FALEC: variants seen among roughly 807,000 people sequenced by gnomAD.
The protein encoded by FALEC is focally amplified lncRNA on chromosome 1.
downstream of FALEC, among the ~76,000 whole-genome samples, chr1:150,522,505 C>T (rs1314823890): frequency 5.9e-5 from 9 of 151,662 alleles, no homozygotes. Flanking sequence ...TGCCTGTAGT[C>T]CCAGCTACTC....
At chr1:150,522,966 TA>T (rs1328399963), downstream of FALEC, among the ~76,000 whole-genome samples, 2 of 43,648 alleles carry the variant, frequency 4.6e-5, no homozygotes, top group African/African-American at 1.0e-4. Context: ...TATATATATA[TA>T]TATATATATA....
intron 1 of FALEC, among the ~76,000 whole-genome samples, chr1:150,517,296 C>CA (rs34702640): frequency 0.044 from 4,063 of 93,032 alleles, 201 homozygotes; most frequent in African/African-American, 0.12. Context: ...GACTCCGTCT[C>CA]AAAAAAAAAA....
At chr1:150,535,022 T>G in the FALEC span, among the ~76,000 whole-genome samples, 4 of 151,888 alleles carry the variant, frequency 2.6e-5, no homozygotes, top group African/African-American at 9.7e-5. Context: ...GGGAACAGAG[T>G]TGACTGGTGA....
chr1:150,523,388 T>C, the FALEC span, among the ~76,000 whole-genome samples: 1 of 151,572 alleles, frequency 6.6e-6, no homozygotes, highest in Non-Finnish European at 1.5e-5. Flanking sequence ...GCGCGGTGGC[T>C]CATGCCTGTA....
chr1:150,534,546 T>C, the FALEC span, among the ~76,000 whole-genome samples: 2 of 152,042 alleles, frequency 1.3e-5, no homozygotes, highest in African/African-American at 4.8e-5. Context: ...GAGGCTGAGA[T>C]AGAAATGTGC....
chr1:150,526,695 G>A, the FALEC span, among the ~76,000 whole-genome samples: 7 of 151,536 alleles, frequency 4.6e-5, no homozygotes, highest in Admixed American at 2.0e-4. Context: ...GTGCAGTGGC[G>A]CAATCCCGGC....
At chr1:150,521,424 G>A (rs587773610), downstream of FALEC, among the ~76,000 whole-genome samples, 5 of 152,290 alleles carry the variant, frequency 3.3e-5, no homozygotes, top group East Asian at 3.9e-4. Context: ...GTGGTGCAAT[G>A]GTACCTCAGT....
chr1:150,529,016 C>CAAAAAAAAAAAACAAAAAAA, the FALEC span, among the ~76,000 whole-genome samples: 1 of 59,292 alleles, frequency 1.7e-5, no homozygotes, highest in Non-Finnish European at 3.0e-5. Flanking sequence ...AAATAAATAG[C>CAAAAAAAAAAAACAAAAAAA]AAAAAAAAAA....
chr1:150,529,016 C>CAAAAAAAAAAA, the FALEC span, among the ~76,000 whole-genome samples: 87 of 59,276 alleles, frequency 1.5e-3, 4 homozygotes, highest in African/African-American at 3.8e-3. Context: ...AAATAAATAG[C>CAAAAAAAAAAA]AAAAAAAAAA....
the FALEC span, among the ~76,000 whole-genome samples, chr1:150,524,385 A>G: frequency 1.3e-5 from 2 of 152,218 alleles, no homozygotes; most frequent in African/African-American, 2.4e-5. Flanking sequence ...CCACAGCATC[A>G]TAAGTTATTA....
At chr1:150,522,975 A>T (rs367845296), downstream of FALEC, among the ~76,000 whole-genome samples, 1,583 of 28,704 alleles carry the variant, frequency 0.055, 361 homozygotes, top group Non-Finnish European at 0.074. Context: ...ATATATATAT[A>T]TATATATATT....
At chr1:150,520,778 C>CTT (rs1670630451), downstream of FALEC, among the ~76,000 whole-genome samples, 1 of 55,562 alleles carries the variant, frequency 1.8e-5, no homozygotes, top group Non-Finnish European at 3.7e-5. Flanking sequence ...CTTTTCTTTT[C>CTT]TTTTCTTTTT....
rs144846336 is a variant in FALEC, at chr1:150,517,027, G to A, written n.307-746G>A. 2.3e-3 allele frequency among the ~76,000 whole-genome samples: 357 copies of A among 152,226 alleles called. 2 individuals carry two copies. Among genetic ancestry groups the A allele is most frequent in the African/African-American group, 7.9e-3 (330 of 41,534 alleles). The stretch of plus-strand genomic sequence containing the variant: ...TATTTAAATATACCTAGCCAGGCGC[G>A]GTGGCTCACACCTGTAATCCCAGCA... On this transcript the variant is annotated intron_variant and non_coding_transcript_variant, in intron 1 of 1. Coordinates refer to ENST00000416894, the Ensembl canonical transcript of FALEC.
chr1:150,535,219 T>C, the FALEC span, among the ~76,000 whole-genome samples: 6 of 147,894 alleles, frequency 4.1e-5, no homozygotes, highest in African/African-American at 1.5e-4. Context: ...TGACAAACAG[T>C]ATTTTTATGC....
chr1:150,526,349 C>CAAAA, the FALEC span, among the ~76,000 whole-genome samples: 659 of 61,750 alleles, frequency 0.011, 16 homozygotes, highest in East Asian at 0.07. Context: ...AACTCCGTCT[C>CAAAA]AAAAAAAAAA....
the FALEC span, among the ~76,000 whole-genome samples, chr1:150,528,079 G>A: frequency 3.3e-5 from 5 of 152,070 alleles, no homozygotes; most frequent in Non-Finnish European, 5.9e-5. Context: ...TCGCCTATCC[G>A]GGGTGGGCAT....
At chr1:150,520,721 T>A (rs1436851812), downstream of FALEC, among the ~76,000 whole-genome samples, 1 of 151,874 alleles carries the variant, frequency 6.6e-6, no homozygotes, top group Non-Finnish European at 1.5e-5. Flanking sequence ...TCTGACTTTT[T>A]AAATATGCAT....
chr1:150,520,908 TCTC>T (rs759326009), downstream of FALEC, among the ~76,000 whole-genome samples: 4 of 151,090 alleles, frequency 2.6e-5, no homozygotes, highest in Admixed American at 6.6e-5. Context: ...CTCCTGGGAT[TCTC>T]CTGCTTCAGC....
the FALEC span, among the ~76,000 whole-genome samples, chr1:150,523,571 G>A: frequency 1.3e-5 from 2 of 150,610 alleles, no homozygotes; most frequent in African/African-American, 2.4e-5. Flanking sequence ...GGAGAATGGC[G>A]TGAACCCGGG....
Sources: allele counts gnomAD v4.1 joint callset (sites outside exome capture counted in the v4.1 genomes callset), GRCh38; gene constraint gnomAD v4.1.1; transcripts MANE v1.5; gene names NCBI Gene and HGNC (gene_info 2026-07-23, HGNC 2026-07-21).